UGT2B11: variants seen among roughly 807,000 people sequenced by gnomAD.
UGT2B11 encodes the protein UDP glucuronosyltransferase family 2 member B11.
UGT2B11 carries 49 observed loss-of-function variants against 51.7 expected under a neutral mutation model. The ratio of observed to expected loss-of-function variants is 0.95; its 90% CI spans 0.75 to 1.20. UGT2B11 has a LOEUF of 1.20. Among genes scored for constraint, UGT2B11 ranks in the 50% most tolerant of loss-of-function variants. The pLI, the probability that UGT2B11 is intolerant of heterozygous loss-of-function variation, is 0.00. For missense variants in UGT2B11, 810 were observed against 622.1 expected (o/e 1.30, Z -3.21); for synonymous variants, 273 against 209.0 (o/e 1.31, Z -2.64).
chr4:69,210,401 A>G (rs1722016973), intron 2 of UGT2B11, among the ~76,000 whole-genome samples: 1 of 151,650 alleles, frequency 6.6e-6, no homozygotes, highest in Non-Finnish European at 1.5e-5. Context: ...CTTAAAATAT[A>G]TAGAAATTAT....
upstream of UGT2B11, among the ~76,000 whole-genome samples, chr4:69,218,276 A>C (rs933893635): frequency 9.9e-5 from 15 of 152,194 alleles, no homozygotes; most frequent in Admixed American, 2.6e-4. Context: ...CAGACAACAA[A>C]ATGAGATTTT....
rs1342409580 is a variant in UGT2B11, at chr4:69,205,581, G to A, written c.1003-14C>T. 14 of 1,607,502 alleles carry A rather than the reference G, an allele frequency of 8.7e-6. No individual in the cohort carries two copies. The Middle Eastern group carries it at 5.5e-4, about 63-fold the overall frequency. On this transcript the variant is annotated splice_polypyrimidine_tract_variant and intron_variant, in intron 3 of 5. Coordinates refer to ENST00000446444, the MANE Select transcript of UGT2B11 (RefSeq NM_001073.3). ...TCTCCACAGAACCTGTTACAGTAAA[G>A]AGAATATCTTATTCCATGAGTGGAA...
the UGT2B11 span, among the ~76,000 whole-genome samples, chr4:69,220,408 G>A: frequency 1.7e-4 from 26 of 151,988 alleles, no homozygotes; most frequent in African/African-American, 4.8e-4. Flanking sequence ...CACTTCTCAC[G>A]GCTCCACTGG....
At position 69,214,706 on chromosome 4, in the gene UGT2B11, G is replaced by A. The variant is rs771652626; in HGVS notation, c.17C>T (p.Thr6Ile). 2 of 1,612,430 alleles carry A rather than the reference G, an allele frequency of 1.2e-6. No individual in the cohort carries two copies. The highest frequency in any genetic ancestry group is 1.7e-6 in the Non-Finnish European group (2 of 1,178,900). MTLKWTSVLLLIHLSC... is the reference protein window; with the variant it reads MTLKWISVLLLIHLSC... ...GAGATGTATCAGCAGAAGAACTGAA[G>A]TCCATTTCAGAGTCATCCTGGTGCA... is the stretch of plus-strand genomic sequence containing the variant. The change falls in exon 1 of 6, where the codon ACT (threonine) becomes ATT (isoleucine). Residue 6 changes from threonine to isoleucine, a missense_variant. Transcript: ENST00000446444.
upstream of UGT2B11, among the ~76,000 whole-genome samples, chr4:69,217,625 C>T (rs949059091): frequency 1.3e-5 from 2 of 151,954 alleles, no homozygotes; most frequent in African/African-American, 2.4e-5. Context: ...ATATCCAATG[C>T]CTGGTCATAT....
chr4:69,206,115 C>T (rs1721846082), intron 3 of UGT2B11, among the ~76,000 whole-genome samples: 1 of 151,308 alleles, frequency 6.6e-6, no homozygotes, highest in Admixed American at 6.6e-5. Context: ...CCAGCAATCC[C>T]ATTACTGGGT....
chr4:69,211,524 C>T (rs1722063944), intron 2 of UGT2B11, among the ~76,000 whole-genome samples: 1 of 151,524 alleles, frequency 6.6e-6, no homozygotes, highest in African/African-American at 2.4e-5. Flanking sequence ...TAGTAATAAT[C>T]ACAAAATAAC....
the UGT2B11 span, among the ~76,000 whole-genome samples, chr4:69,221,170 A>G: frequency 4.4e-3 from 665 of 152,338 alleles, 7 homozygotes; most frequent in African/African-American, 0.015. Context: ...TTTAGGCATG[A>G]TAGGCTGTGA....
intron 1 of UGT2B11, 131 bp from the exon 2 acceptor site, chr4:69,212,852 T>C (rs539776001): frequency 2.5e-6 from 2 of 797,980 alleles, no homozygotes; most frequent in African/African-American, 3.7e-5. Context: ...TATATAAATA[T>C]ATATGAATAA....
chr4:69,202,635 A>G (rs975895659), intron 5 of UGT2B11, among the ~76,000 whole-genome samples: 5 of 151,290 alleles, frequency 3.3e-5, no homozygotes, highest in Non-Finnish European at 7.4e-5. Flanking sequence ...AGATTGTAAG[A>G]CTCCATTTGT....
At chr4:69,205,376 A>C in intron 4 of UGT2B11, 104 bp downstream of exon 4, 2 of 1,441,172 alleles carry the variant, frequency 1.4e-6, no homozygotes, top group Non-Finnish European at 1.9e-6. Context: ...AATACAAAGA[A>C]GTTCTTTTTT....
Position 69,204,630 on chromosome 4 carries a change from A to T in UGT2B11, c.1110T>A (p.Ala370=), listed in dbSNP as rs541118778. The change falls in exon 5 of 6, where the codon GCT becomes GCA. Residue 370 remains alanine (A), a synonymous_variant. Transcript: ENST00000446444. ...CATTGGCTCCACCATGAGTTATAAA[A>T]GCTCTGGTTTTTGGATGACCTAGGA... The part of the protein sequence containing the change: ...NDLLGHPKTR[A]FITHGGANGI... 5.8e-5 allele frequency: 94 copies of T among 1,611,722 alleles called. No homozygotes were observed. The highest frequency in any genetic ancestry group is 7.8e-5 in the Non-Finnish European group (92 of 1,178,618).
chr4:69,220,694 A>T, the UGT2B11 span, among the ~76,000 whole-genome samples: 1 of 151,488 alleles, frequency 6.6e-6, no homozygotes, highest in South Asian at 2.1e-4. Flanking sequence ...TATTTCAGGG[A>T]CCTAAGTGTT....
the UGT2B11 span, among the ~76,000 whole-genome samples, chr4:69,220,814 G>A: frequency 6.6e-6 from 1 of 152,060 alleles, no homozygotes; most frequent in Non-Finnish European, 1.5e-5. Context: ...AGAAGAGGCA[G>A]GTTCCTCCTC....
intron 5 of UGT2B11, among the ~76,000 whole-genome samples, chr4:69,203,837 C>A (rs1407661898): frequency 6.6e-6 from 1 of 151,538 alleles, no homozygotes; most frequent in Non-Finnish European, 1.5e-5. Context: ...TAGACTAGGA[C>A]TAAGCAGTTA....
At chr4:69,218,569 C>T (rs1444971810), upstream of UGT2B11, among the ~76,000 whole-genome samples, 1 of 151,882 alleles carries the variant, frequency 6.6e-6, no homozygotes, top group Non-Finnish European at 1.5e-5. Flanking sequence ...TAATAACCAT[C>T]AAATTAAGGC....
rs1357616602 is a variant in UGT2B11 at position 69,204,608 on chromosome 4, T to G, written c.1132A>C (p.Asn378His). 1 of 1,611,986 alleles carries G rather than the reference T, an allele frequency of 6.2e-7. No homozygotes were observed. The highest frequency in any genetic ancestry group is 1.7e-5 in the Admixed American group (1 of 59,812). The change falls in exon 5 of 6, where the codon AAT becomes CAT. Residue 378 changes from asparagine (N) to histidine (H), a missense_variant. Coordinates refer to ENST00000446444, the MANE Select transcript of UGT2B11 (RefSeq NM_001073.3). ...TRAFITHGGANGIYEAIYHGI... is the reference protein window; with the variant it reads ...TRAFITHGGAHGIYEAIYHGI... ...TGGTAGATTGCCTCATAGATGCCAT[T>G]GGCTCCACCATGAGTTATAAAAGCT...
At position 69,208,395 on chromosome 4, in the gene UGT2B11, T is replaced by A; in HGVS notation, c.958A>T (p.Arg320Trp). The change falls in exon 3 of 6, where the codon AGG becomes TGG. Residue 320 changes from arginine (R) to tryptophan (W), a missense_variant. By Grantham distance (101) the Arg-to-Trp change is moderately radical. Transcript: ENST00000446444. ...AGGGCTGTTGCAATTACATTGGCCC[T>A]TTCTGCTGTCATGTTACTTATCACT... ...GSVISNMTAERANVIATALAK... is the reference protein window; with the variant it reads ...GSVISNMTAEWANVIATALAK... 6.2e-7 allele frequency: 1 copy of A among 1,611,116 alleles called. No homozygotes were observed. Among genetic ancestry groups the A allele is most frequent in the Non-Finnish European group, 8.5e-7 (1 of 1,178,202 alleles).
chr4:69,219,606 G>A (rs746963352), upstream of UGT2B11, among the ~76,000 whole-genome samples: 168 of 152,182 alleles, frequency 1.1e-3, no homozygotes, highest in Admixed American at 1.8e-3. Flanking sequence ...GGGAGGCCTC[G>A]CAATGATGAG....
Sources: gnomAD v4.1 joint callset for allele counts (sites outside exome capture counted in the v4.1 genomes callset) on GRCh38, gnomAD v4.1.1 for gene constraint, MANE v1.5 for transcripts, NCBI Gene and HGNC (gene_info 2026-07-23, HGNC 2026-07-21) for gene names.